The following XKR4 variants were observed in gnomAD, a reference collection of about 807,000 sequenced individuals.
The protein encoded by XKR4 is XK related 4, also known as XK-related protein 4.
Under a neutral mutation model 53.9 loss-of-function variants are expected in XKR4, and 12 were observed. That is an observed-to-expected ratio of 0.22 (90% confidence interval 0.14 to 0.36). XKR4 has a LOEUF of 0.36. XKR4 is among the 10% of genes least tolerant of loss of function. The probability of loss-of-function intolerance (pLI) is 1.00; values close to 1 mark genes in which losing one functional copy is unlikely to be tolerated. For synonymous variants in XKR4, 354 were observed against 362.4 expected (o/e 0.98, Z 0.26); for missense variants, 799 against 859.5 (o/e 0.93, Z 0.88).
intron 1 of XKR4, among the ~76,000 whole-genome samples, chr8:55,237,841 T>G (rs914034762): frequency 6.6e-6 from 1 of 152,230 alleles, no homozygotes; most frequent in Non-Finnish European, 1.5e-5. Flanking sequence ...TGACTCCTTG[T>G]GCTTCTAGAC....
intron 2 of XKR4, among the ~76,000 whole-genome samples, chr8:55,358,313 T>C (rs1313317382): frequency 6.6e-6 from 1 of 151,762 alleles, no homozygotes; most frequent in Non-Finnish European, 1.5e-5. Context: ...TTCCTTTTGA[T>C]GTTGAGAGAG....
chr8:55,262,037 C>T (rs548206888), intron 1 of XKR4, among the ~76,000 whole-genome samples: 10 of 152,030 alleles, frequency 6.6e-5, no homozygotes, highest in East Asian at 1.9e-4. Context: ...AAGGTTGAGA[C>T]GAACTTTTCC....
chr8:55,408,742 T>C (rs1804727857), intron 2 of XKR4, among the ~76,000 whole-genome samples: 1 of 152,060 alleles, frequency 6.6e-6, no homozygotes, highest in Non-Finnish European at 1.5e-5. Flanking sequence ...GGTGCGGTGG[T>C]TCGCGCCTGT....
At chr8:55,395,717 G>C (rs901010987) in intron 2 of XKR4, among the ~76,000 whole-genome samples, 1 of 152,112 alleles carries the variant, frequency 6.6e-6, no homozygotes, top group Non-Finnish European at 1.5e-5. Context: ...GGTAGATGGG[G>C]CCCATCTTGC....
At chr8:55,438,140 T>C (rs1168734945) in intron 2 of XKR4, among the ~76,000 whole-genome samples, 1 of 151,524 alleles carries the variant, frequency 6.6e-6, no homozygotes, top group African/African-American at 2.4e-5. Context: ...TAGGAACACA[T>C]TACCAGACAA....
chr8:55,374,216 G>A lies in XKR4; in HGVS notation c.1006+16339G>A, dbSNP rs1030562337. ...ATATAATAATGTATCACATTATTAC[G>A]ATAAACATGCAGTGGGCACCTATCC... On this transcript the variant is annotated intron_variant, in intron 2 of 2. Coordinates refer to ENST00000327381, the MANE Select transcript of XKR4 (RefSeq NM_052898.2). 4.6e-5 allele frequency among the ~76,000 whole-genome samples: 7 copies of A among 152,258 alleles called. No individual in the cohort carries two copies. The East Asian group carries it at 9.6e-4, about 21-fold the overall frequency.
At chr8:55,460,786 A>C (rs901807739) in intron 2 of XKR4, among the ~76,000 whole-genome samples, 5 of 152,164 alleles carry the variant, frequency 3.3e-5, no homozygotes, top group Non-Finnish European at 5.9e-5. Flanking sequence ...CCACCCTAAT[A>C]CTGTGTTTTT....
intron 2 of XKR4, chr8:55,449,386 G>C (rs905186471): frequency 2.8e-5 from 17 of 615,700 alleles, no homozygotes; most frequent in South Asian, 2.4e-4. Context: ...CAAGTGCTGG[G>C]GGCTCGGGGC....
rs1238861759 is a variant in XKR4 at position 55,538,733 on chromosome 8, G to A, written c.*14506G>A. 4.6e-5 allele frequency: 7 copies of A among 152,276 alleles called. No individual in the cohort carries two copies. The East Asian group carries it at 1.4e-3, about 29-fold the overall frequency. 9.4% of individuals were successfully genotyped at this position (152,276 alleles called of 1,614,324 possible). ...AATGCGTGCATGATGCCCCAGTTCT[G>A]TACTCATGATCACCAGGTGGCGTTC... On this transcript the variant is annotated 3_prime_UTR_variant, in exon 3 of 3. Transcript: ENST00000327381.
rs1380298665 is a variant in XKR4 at position 55,535,235 on chromosome 8, TA to T, written c.*11009del. On this transcript the variant is annotated 3_prime_UTR_variant, in exon 3 of 3. Coordinates refer to ENST00000327381, the MANE Select transcript of XKR4 (RefSeq NM_052898.2). Reference sequence around the variant, plus strand: ...ATTTTCTTTTTTTTTTTAATTTTATTATTATTATACTTTAAGTTTTAGGGTA... The same window carrying T: ...ATTTTCTTTTTTTTTTTAATTTTATTTTATTATACTTTAAGTTTTAGGGTA... 2.6e-5 allele frequency: 4 copies of T among 151,678 alleles called. No homozygotes were observed. Among genetic ancestry groups the T allele is most frequent in the African/African-American group, 7.3e-5 (3 of 41,292 alleles). 9.4% of individuals were successfully genotyped at this position (151,678 alleles called of 1,614,324 possible).
chr8:55,112,723 G>T (rs1342563123), intron 1 of XKR4, among the ~76,000 whole-genome samples: 4 of 151,856 alleles, frequency 2.6e-5, no homozygotes, highest in Non-Finnish European at 2.9e-5. Flanking sequence ...ATGAGGAAAT[G>T]ATCCTTTAGT....
chr8:55,522,022 G>A (rs938568180), intron 2 of XKR4, among the ~76,000 whole-genome samples: 2 of 152,146 alleles, frequency 1.3e-5, no homozygotes, highest in African/African-American at 4.8e-5. Context: ...TCTTGGTTCA[G>A]CTCATTAGGG....
At chr8:55,360,933 G>T (rs1803894477) in intron 2 of XKR4, among the ~76,000 whole-genome samples, 1 of 152,168 alleles carries the variant, frequency 6.6e-6, no homozygotes, top group Non-Finnish European at 1.5e-5. Context: ...GAGCATAATT[G>T]TTTCTCCATT....
At chr8:55,469,229 C>T (rs756056586) in intron 2 of XKR4, among the ~76,000 whole-genome samples, 8 of 152,178 alleles carry the variant, frequency 5.3e-5, no homozygotes, top group Non-Finnish European at 1.0e-4. Flanking sequence ...TTTCCTGATA[C>T]GGTAACTCCA....
At chr8:55,143,203 A>C (rs1049031876) in intron 1 of XKR4, among the ~76,000 whole-genome samples, 1 of 152,214 alleles carries the variant, frequency 6.6e-6, no homozygotes, top group African/African-American at 2.4e-5. Context: ...GGGCTGTTAA[A>C]AACAGTGCTG....
intron 1 of XKR4, among the ~76,000 whole-genome samples, chr8:55,169,044 G>C (rs567098016): frequency 6.6e-6 from 1 of 151,994 alleles, no homozygotes; most frequent in Admixed American, 6.6e-5. Flanking sequence ...AATACTTTCT[G>C]GTCCAATTTT....
At chr8:55,327,910 G>A (rs1803318185) in intron 1 of XKR4, among the ~76,000 whole-genome samples, 1 of 152,124 alleles carries the variant, frequency 6.6e-6, no homozygotes. Context: ...CAAAAAATTA[G>A]ATACAGCTTT....
chr8:55,322,853 C>A (rs545724289), intron 1 of XKR4, among the ~76,000 whole-genome samples: 2 of 152,176 alleles, frequency 1.3e-5, no homozygotes, highest in Non-Finnish European at 2.9e-5. Flanking sequence ...TCAAAAATGG[C>A]AACTCTGTTT....
chr8:55,139,342 TG>T (rs1222541603), intron 1 of XKR4, among the ~76,000 whole-genome samples: 1 of 152,052 alleles, frequency 6.6e-6, no homozygotes. Context: ...AAGACCAGCC[TG>T]GCCAACATGG....
Sources: gnomAD v4.1 joint callset for allele counts (sites outside exome capture counted in the v4.1 genomes callset) on GRCh38, gnomAD v4.1.1 for gene constraint, MANE v1.5 for transcripts, NCBI Gene and HGNC (gene_info 2026-07-23, HGNC 2026-07-21) for gene names.